SCHIP1: variants seen among roughly 807,000 people sequenced by gnomAD.
SCHIP1 encodes schwannomin-interacting protein 1.
Under a neutral mutation model 29.7 loss-of-function variants are expected in SCHIP1, and 8 were observed. That is an observed-to-expected ratio of 0.27 (90% confidence interval 0.16 to 0.49). SCHIP1 has a LOEUF of 0.49. Ranked by LOEUF, SCHIP1 falls within the 20% of genes least tolerant of loss-of-function variation. The pLI is 0.99. For missense variants in SCHIP1, 193 were observed against 294.6 expected, an observed-to-expected ratio of 0.66 and a Z score of 2.52; for synonymous variants, 76 against 94.9, an observed-to-expected ratio of 0.80 and a Z score of 1.16.
chr3:159,863,333 C>CGT (rs1688128135), intron 1 of SCHIP1, among the ~76,000 whole-genome samples: 1 of 147,850 alleles, frequency 6.8e-6, no homozygotes. Context: ...AGCGAGACTC[C>CGT]ATCTCACCAA....
rs1180774353 is a variant in SCHIP1 at position 159,861,590 on chromosome 3, G to A, written c.31-4573G>A. ...GGCAGTAGGGAATTTAGCAACAGAT[G>A]AGGACAAAAACTTCCTGGGGCTGAA... On this transcript the variant is annotated intron_variant, in intron 1 of 6. Coordinates refer to ENST00000445224, the Ensembl canonical transcript of SCHIP1. The surrounding 1 kb of genome is among the most constrained non-coding windows in gnomAD (Gnocchi z 4.1). Among the ~76,000 whole-genome samples, 7 of 152,168 alleles carry A rather than the reference G, an allele frequency of 4.6e-5. No homozygotes were observed. The highest frequency in any genetic ancestry group is 4.6e-4 in the Admixed American group (7 of 15,282).
At chr3:159,688,429 C>T in the SCHIP1 span, among the ~76,000 whole-genome samples, 1 of 152,152 alleles carries the variant, frequency 6.6e-6, no homozygotes, top group South Asian at 2.1e-4. Flanking sequence ...ATATCCTTTG[C>T]CGACTTTTTG....
At chr3:159,281,279 A>C in the SCHIP1 span, among the ~76,000 whole-genome samples, 1 of 152,202 alleles carries the variant, frequency 6.6e-6, no homozygotes, top group Non-Finnish European at 1.5e-5. Context: ...AATCTGGGGA[A>C]ACATTTATTC....
At chr3:159,585,065 C>T in the SCHIP1 span, among the ~76,000 whole-genome samples, 1 of 151,942 alleles carries the variant, frequency 6.6e-6, no homozygotes, top group Non-Finnish European at 1.5e-5. Flanking sequence ...TTAAATTACA[C>T]CCTGCCCCAC....
chr3:159,627,566 G>A, the SCHIP1 span, among the ~76,000 whole-genome samples: 3 of 152,172 alleles, frequency 2.0e-5, no homozygotes, highest in Non-Finnish European at 4.4e-5. Flanking sequence ...AACTGGTTGA[G>A]CCAGGATTTG....
the SCHIP1 span, among the ~76,000 whole-genome samples, chr3:159,826,101 A>C: frequency 6.6e-6 from 1 of 152,212 alleles, no homozygotes; most frequent in Non-Finnish European, 1.5e-5. Flanking sequence ...GTTGTGGAAA[A>C]CCGAGGAGTT....
the SCHIP1 span, among the ~76,000 whole-genome samples, chr3:159,592,658 C>T: frequency 6.6e-6 from 1 of 152,090 alleles, no homozygotes; most frequent in East Asian, 1.9e-4. Context: ...GTTTCTTTCT[C>T]TGTGAAATCT....
At chr3:159,517,653 G>GT in the SCHIP1 span, among the ~76,000 whole-genome samples, 7 of 151,608 alleles carry the variant, frequency 4.6e-5, no homozygotes, top group Non-Finnish European at 8.8e-5. Flanking sequence ...ATTTTTCATT[G>GT]TTTTTAAAAT....
chr3:159,713,257 A>G, the SCHIP1 span, among the ~76,000 whole-genome samples: 915 of 150,818 alleles, frequency 6.1e-3, 10 homozygotes, highest in Non-Finnish European at 9.4e-3. Context: ...AGAAAGAAAG[A>G]AAGAAAGAAA....
the SCHIP1 span, among the ~76,000 whole-genome samples, chr3:159,518,778 C>T: frequency 2.6e-5 from 4 of 152,016 alleles, no homozygotes; most frequent in Admixed American, 1.3e-4. Flanking sequence ...TTTCCATATT[C>T]CTCCAACAAT....
At chr3:159,501,432 C>A in the SCHIP1 span, among the ~76,000 whole-genome samples, 1 of 152,128 alleles carries the variant, frequency 6.6e-6, no homozygotes, top group Non-Finnish European at 1.5e-5. Context: ...CATTTTATTG[C>A]TGATAAAGAA....
the SCHIP1 span, among the ~76,000 whole-genome samples, chr3:159,515,508 T>C: frequency 6.6e-6 from 1 of 152,342 alleles, no homozygotes; most frequent in African/African-American, 2.4e-5. Context: ...ATTTCTTCAT[T>C]TGTAAAATGG....
the SCHIP1 span, among the ~76,000 whole-genome samples, chr3:159,539,518 T>C: frequency 5.9e-5 from 8 of 136,224 alleles, 2 homozygotes; most frequent in African/African-American, 2.0e-4. Flanking sequence ...TGCAAAATGC[T>C]GTGGGTATGC....
chr3:159,360,160 G>A, the SCHIP1 span, among the ~76,000 whole-genome samples: 1 of 152,094 alleles, frequency 6.6e-6, no homozygotes, highest in African/African-American at 2.4e-5. Flanking sequence ...AGGAGCCCAG[G>A]GACCATTAAG....
the SCHIP1 span, among the ~76,000 whole-genome samples, chr3:159,769,415 T>C: frequency 0.017 from 2,611 of 152,338 alleles, 31 homozygotes; most frequent in Middle Eastern, 0.037. Context: ...GCCTGTTCCC[T>C]GTCTCTGGAG....
At chr3:159,527,644 T>A in the SCHIP1 span, among the ~76,000 whole-genome samples, 1 of 152,202 alleles carries the variant, frequency 6.6e-6, no homozygotes, top group Non-Finnish European at 1.5e-5. Flanking sequence ...GAATTTTTGA[T>A]AGAATAAGAA....
intron 5 of SCHIP1, 56 bp downstream of exon 6, chr3:159,888,999 A>G (rs577701967): frequency 1.3e-6 from 2 of 1,557,786 alleles, no homozygotes; most frequent in Admixed American, 1.9e-5. Flanking sequence ...TTATGGGATA[A>G]TGCTGCTTCC....
chr3:159,287,941 C>T, the SCHIP1 span, among the ~76,000 whole-genome samples: 3 of 152,110 alleles, frequency 2.0e-5, no homozygotes, highest in African/African-American at 7.2e-5. Context: ...TGTATGATAT[C>T]AATTTCTTGG....
At chr3:159,567,808 C>T in the SCHIP1 span, among the ~76,000 whole-genome samples, 2 of 152,074 alleles carry the variant, frequency 1.3e-5, no homozygotes, top group African/African-American at 4.8e-5. Flanking sequence ...CTTTGCTCCC[C>T]TATGACTATT....
Sources: gnomAD v4.1 joint callset for allele counts (sites outside exome capture counted in the v4.1 genomes callset) on GRCh38, gnomAD v4.1.1 for gene constraint, Gnocchi (gnomAD v3.1) non-coding constraint, MANE v1.5 for transcripts, NCBI Gene and HGNC (gene_info 2026-07-23, HGNC 2026-07-21) for gene names.